Variants in CCZ1B observed in about 807,000 individuals in gnomAD.
CCZ1B encodes the protein vacuolar fusion protein CCZ1 homolog B.
In CCZ1B, 25 loss-of-function variants were observed where a neutral mutation model predicts 58.8. The ratio of observed to expected loss-of-function variants is 0.43; its 90% CI spans 0.31 to 0.59. The LOEUF (loss-of-function observed/expected upper bound fraction) is 0.59, where lower values mean the gene tolerates loss of function less well. CCZ1B is among the 20% of genes least tolerant of loss of function. The pLI is 0.12. For missense variants in CCZ1B, 180 were observed against 501.5 expected (o/e 0.36, Z 6.12); for synonymous variants, 66 against 173.2 (o/e 0.38, Z 4.86).
At chr7:6,810,111 A>C (rs1009325433) in intron 10 of CCZ1B, among the ~76,000 whole-genome samples, 4 of 150,348 alleles carry the variant, frequency 2.7e-5, no homozygotes, top group Non-Finnish European at 4.4e-5. Flanking sequence ...TCGCGGGTAC[A>C]AGTGATTCTC....
intron 14 of CCZ1B, among the ~76,000 whole-genome samples, chr7:6,800,357 G>A (rs377546394): frequency 0.26 from 34,461 of 131,866 alleles, 2,395 homozygotes; most frequent in South Asian, 0.42. Context: ...TTTATCACAG[G>A]ATATTAAAAA....
intron 1 of CCZ1B, among the ~76,000 whole-genome samples, chr7:6,825,331 T>G (rs1026612542): frequency 1.2e-4 from 18 of 147,060 alleles, no homozygotes; most frequent in African/African-American, 4.7e-4. Flanking sequence ...CTCAATCACT[T>G]GGGCTCAAGC....
intron 6 of CCZ1B, among the ~76,000 whole-genome samples, chr7:6,821,886 G>A (rs1048657003): frequency 2.0e-5 from 3 of 149,784 alleles, no homozygotes; most frequent in African/African-American, 7.5e-5. Context: ...GTTTACGCCC[G>A]TTTAGTGAAC....
At chr7:6,818,940 T>C (rs1783063876) in intron 7 of CCZ1B, among the ~76,000 whole-genome samples, 1 of 147,898 alleles carries the variant, frequency 6.8e-6, no homozygotes, top group Admixed American at 6.8e-5. Context: ...TAGCAGGTAA[T>C]TTCCTGGTTT....
intron 12 of CCZ1B, among the ~76,000 whole-genome samples, chr7:6,804,338 G>A (rs1431561644): frequency 1.6e-5 from 2 of 127,420 alleles, no homozygotes; most frequent in East Asian, 3.1e-4. Flanking sequence ...CATGAGAATC[G>A]CTTGAGCCTG....
rs182677291 is a variant in CCZ1B, at chr7:6,812,444, G to A, written c.843-381C>T. On this transcript the variant is annotated intron_variant, in intron 9 of 14. Coordinates refer to ENST00000316731, the MANE Select transcript of CCZ1B (RefSeq NM_198097.5). ...ATGGAGGCTGCAGTGAGCTGAGATC[G>A]TGCCACTGTACTCCACACTCCAGCC... 185 of 280,210 alleles carry A rather than the reference G, an allele frequency of 6.6e-4. 1 individual carries two copies. The highest frequency in any genetic ancestry group is 4.6e-3 in the African/African-American group (178 of 38,770). The allele number at this position is 280,210 out of a possible 1,614,324, so 17.4% of individuals were successfully genotyped here.
At chr7:6,808,735 G>A (rs1583550147) in intron 10 of CCZ1B, among the ~76,000 whole-genome samples, 1 of 152,070 alleles carries the variant, frequency 6.6e-6, no homozygotes, top group Admixed American at 6.5e-5. Context: ...TTTTGAGATG[G>A]GGTCTCACTC....
At chr7:6,815,352 G>A (rs1299274227) in intron 7 of CCZ1B, among the ~76,000 whole-genome samples, 1 of 149,164 alleles carries the variant, frequency 6.7e-6, no homozygotes, top group African/African-American at 2.5e-5. Flanking sequence ...ATGTAGAGAT[G>A]GGGGTCTTGC....
Position 6,812,140 on chromosome 7 carries a change from C to T in CCZ1B, c.843-77G>A, listed in dbSNP as rs1351283320. On this transcript the variant is annotated intron_variant, in intron 9 of 14. Transcript: ENST00000316731. ...GGAATCTAGAAACAGAACACACTCC[C>T]ACTTCATACACACCAGTTGCTTTTG... is the stretch of plus-strand genomic sequence containing the variant. 8.5e-6 allele frequency: 9 copies of T among 1,060,068 alleles called. No individual in the cohort carries two copies. In the East Asian group the frequency reaches 1.7e-4, roughly 19 times the overall value. The allele number at this position is 1,060,068 out of a possible 1,614,324, so 65.7% of individuals were successfully genotyped here.
In CCZ1B at chr7:6,823,255, A is replaced by G. The variant is rs1783140068; in HGVS notation, c.438+58T>C. On this transcript the variant is annotated intron_variant, in intron 5 of 14. Transcript: ENST00000316731. ...TAGACTTCTCTTTAAACAACCCTGG[A>G]GCCTAGAGATAGGGGTAAGTGGTTG... 1.6e-5 allele frequency: 25 copies of G among 1,597,138 alleles called. 3 individuals are homozygous for G. The highest frequency in any genetic ancestry group is 2.2e-5 in the South Asian group (2 of 89,726).
Position 6,822,372 on chromosome 7 carries a change from G to T in CCZ1B, c.439-8C>A. ...AAATGTACCATTAAAAAGCTAGTGA[G>T]GTAAAAGATTGCAGAAAAAAAAATC... is the stretch of plus-strand genomic sequence containing the variant. On this transcript the variant is annotated splice_polypyrimidine_tract_variant and splice_region_variant and intron_variant, in intron 5 of 14. Coordinates refer to ENST00000316731, the MANE Select transcript of CCZ1B (RefSeq NM_198097.5). The T allele has an allele frequency of 3.2e-6, 5 of 1,585,838 alleles. No homozygotes were observed. The highest frequency in any genetic ancestry group is 4.3e-6 in the Non-Finnish European group (5 of 1,172,012).
At chr7:6,818,236 T>C (rs1783037053) in intron 7 of CCZ1B, among the ~76,000 whole-genome samples, 3 of 149,718 alleles carry the variant, frequency 2.0e-5, no homozygotes, top group Admixed American at 2.0e-4. Flanking sequence ...TAGTACCATA[T>C]GGCCACACCC....
At chr7:6,822,025 G>A (rs1291932742) in intron 6 of CCZ1B, among the ~76,000 whole-genome samples, 5 of 149,338 alleles carry the variant, frequency 3.3e-5, no homozygotes, top group Non-Finnish European at 7.4e-5. Context: ...GAGGCCAAAC[G>A]ATGTCTCCAG....
chr7:6,810,169 A>G lies in CCZ1B; in HGVS notation c.954+1783T>C, dbSNP rs71533317. Among the ~76,000 whole-genome samples, 152 of 148,550 alleles carry G rather than the reference A, an allele frequency of 1.0e-3. 12 individuals carry two copies. The highest frequency in any genetic ancestry group is 2.8e-3 in the African/African-American group (109 of 39,118). On this transcript the variant is annotated intron_variant, in intron 10 of 14. Transcript: ENST00000316731. ...TGGGATTAGAGGCGTGCGCCACCTC[A>G]CCTGGCTGATTTTTTGTATTTTTAG...
At chr7:6,817,471 AT>A (rs1350107174) in intron 7 of CCZ1B, among the ~76,000 whole-genome samples, 4 of 150,044 alleles carry the variant, frequency 2.7e-5, no homozygotes, top group African/African-American at 7.5e-5. Context: ...CTACTGCTGG[AT>A]TCTGGCTTGT....
At chr7:6,823,177 G>T (rs1028788212) in intron 5 of CCZ1B, 136 bp downstream of exon 5, 3 of 923,206 alleles carry the variant, frequency 3.2e-6, no homozygotes, top group African/African-American at 1.8e-5. Flanking sequence ...TGTTTCAAAG[G>T]CCTCATTATT....
At chr7:6,825,007 C>T (rs1368438008) in intron 1 of CCZ1B, among the ~76,000 whole-genome samples, 3 of 150,044 alleles carry the variant, frequency 2.0e-5, no homozygotes, top group Non-Finnish European at 4.4e-5. Flanking sequence ...GGAATGATCT[C>T]ATCATTGTGC....
At chr7:6,824,606 C>T (rs1783165633) in intron 2 of CCZ1B, 34 bp downstream of exon 2, 1 of 1,612,246 alleles carries the variant, frequency 6.2e-7, no homozygotes. Context: ...TTTAAGAATT[C>T]ACTGAACGCT....
At chr7:6,800,435 A>G (rs1782745234) in intron 14 of CCZ1B, among the ~76,000 whole-genome samples, 1 of 141,652 alleles carries the variant, frequency 7.1e-6, no homozygotes, top group Non-Finnish European at 1.5e-5. Flanking sequence ...CCAGAGGATC[A>G]CTTGAGGCCT....
Sources: allele counts gnomAD v4.1 joint callset (sites outside exome capture counted in the v4.1 genomes callset), GRCh38; gene constraint gnomAD v4.1.1; transcripts MANE v1.5; gene names NCBI Gene and HGNC (gene_info 2026-07-23, HGNC 2026-07-21).